The following NFIA variants were observed in gnomAD, a reference collection of about 807,000 sequenced individuals.
NFIA encodes nuclear factor I A.
NFIA carries 8 observed loss-of-function variants against 62.8 expected under a neutral mutation model. The observed-to-expected ratio is 0.13, with a 90% CI of 0.07 to 0.23. NFIA has a LOEUF of 0.23. Ranked by LOEUF, NFIA falls within the 10% of genes least tolerant of loss-of-function variation. The pLI is 1.00. For missense variants in NFIA, 410 were observed against 642.1 expected, an observed-to-expected ratio of 0.64 and a Z score of 3.91; for synonymous variants, 235 against 238.1, an observed-to-expected ratio of 0.99 and a Z score of 0.12.
chr1:61,293,674 T>A (rs927786800), intron 3 of NFIA, among the ~76,000 whole-genome samples: 1 of 152,218 alleles, frequency 6.6e-6, no homozygotes, highest in Admixed American at 6.5e-5. Flanking sequence ...ATTTAGTAGA[T>A]GTTGGATGGA....
intron 2 of NFIA, among the ~76,000 whole-genome samples, chr1:61,098,928 C>G (rs1436639509): frequency 6.6e-6 from 1 of 151,966 alleles, no homozygotes; most frequent in Non-Finnish European, 1.5e-5. Flanking sequence ...GTCTGTGTAA[C>G]CATATATATA....
At chr1:61,176,255 C>T (rs982840498) in intron 2 of NFIA, among the ~76,000 whole-genome samples, 17 of 152,176 alleles carry the variant, frequency 1.1e-4, no homozygotes, top group Admixed American at 7.2e-4. Context: ...TATCTTTTAC[C>T]GGGTGATAAT....
intron 6 of NFIA, among the ~76,000 whole-genome samples, chr1:61,367,616 A>T (rs1012748797): frequency 6.6e-6 from 1 of 152,152 alleles, no homozygotes; most frequent in African/African-American, 2.4e-5. Flanking sequence ...TTTCACCCAA[A>T]TAAGGGGTTA....
intron 10 of NFIA, among the ~76,000 whole-genome samples, chr1:61,432,108 G>T (rs1422434879): frequency 6.6e-6 from 1 of 152,214 alleles, no homozygotes; most frequent in Non-Finnish European, 1.5e-5. Flanking sequence ...AACAGAGTTG[G>T]GTATAGGAAC....
chr1:61,250,472 C>G (rs1405239474), intron 2 of NFIA, among the ~76,000 whole-genome samples: 1 of 152,128 alleles, frequency 6.6e-6, no homozygotes, highest in African/African-American at 2.4e-5. Flanking sequence ...TTACAAGTAC[C>G]ATGCCACTTC....
At chr1:61,376,215 T>A (rs1027903150) in intron 6 of NFIA, among the ~76,000 whole-genome samples, 21 of 152,178 alleles carry the variant, frequency 1.4e-4, no homozygotes, top group African/African-American at 5.1e-4. Context: ...TGTGTGTGTG[T>A]TATAGCCTCT....
intron 3 of NFIA, among the ~76,000 whole-genome samples, chr1:61,330,332 A>G (rs976872785): frequency 2.6e-5 from 4 of 152,164 alleles, no homozygotes; most frequent in Admixed American, 6.5e-5. Flanking sequence ...GGCATTAAGT[A>G]TACAGTGGTA....
At chr1:61,196,296 T>C (rs1003196580) in intron 2 of NFIA, among the ~76,000 whole-genome samples, 3 of 152,172 alleles carry the variant, frequency 2.0e-5, no homozygotes, top group African/African-American at 7.2e-5. Context: ...GGGCAAAAAT[T>C]TGCATCCTCA....
chr1:61,366,918 C>A (rs1012350816), intron 6 of NFIA, among the ~76,000 whole-genome samples: 5 of 152,188 alleles, frequency 3.3e-5, no homozygotes, highest in South Asian at 2.1e-4. Context: ...AACAAAACTC[C>A]TGTCTGAAAA....
At chr1:61,211,409 AAGT>A (rs1479560214) in intron 2 of NFIA, among the ~76,000 whole-genome samples, 4 of 152,200 alleles carry the variant, frequency 2.6e-5, no homozygotes, top group Admixed American at 1.3e-4. Flanking sequence ...GATAATATTT[AAGT>A]AGTAATGATG....
At chr1:61,225,991 CA>C (rs1428003529) in intron 2 of NFIA, among the ~76,000 whole-genome samples, 8 of 152,130 alleles carry the variant, frequency 5.3e-5, no homozygotes, top group Non-Finnish European at 8.8e-5. Context: ...GACAGTAATG[CA>C]TGTAATCTAA....
chr1:61,451,873 G>C (rs1668073367), intron 10 of NFIA, among the ~76,000 whole-genome samples: 1 of 152,154 alleles, frequency 6.6e-6, no homozygotes, highest in Non-Finnish European at 1.5e-5. Context: ...TGAAACCTAA[G>C]CTTATGTCAC....
chr1:61,187,935 G>A (rs905080926), intron 2 of NFIA, among the ~76,000 whole-genome samples: 1 of 152,098 alleles, frequency 6.6e-6, no homozygotes, highest in Non-Finnish European at 1.5e-5. Context: ...AGGTTGAATA[G>A]CCTCGCTCAC....
At chr1:61,363,599 C>T (rs543975577) in intron 6 of NFIA, among the ~76,000 whole-genome samples, 9 of 87,516 alleles carry the variant, frequency 1.0e-4, no homozygotes, top group South Asian at 4.9e-4. Flanking sequence ...AGCAAAACTC[C>T]GTCAAAAAAA....
intron 7 of NFIA, among the ~76,000 whole-genome samples, chr1:61,401,947 T>C (rs1309942818): frequency 1.3e-5 from 2 of 151,534 alleles, no homozygotes; most frequent in Non-Finnish European, 3.0e-5. Context: ...CATTTAACTT[T>C]TTAGCTTGTG....
At chr1:61,439,412 T>TTA (rs1230474694) in intron 10 of NFIA, 2 of 152,006 alleles carry the variant, frequency 1.3e-5, no homozygotes, top group African/African-American at 2.4e-5. Flanking sequence ...GCACTTTACT[T>TTA]AAGTTAATCA....
At chr1:61,351,882 T>C (rs1019555658) in intron 4 of NFIA, among the ~76,000 whole-genome samples, 6 of 152,224 alleles carry the variant, frequency 3.9e-5, no homozygotes, top group Non-Finnish European at 5.9e-5. Context: ...CGTAAAACTT[T>C]ATTCATAAAA....
chr1:61,109,875 T>C (rs541455768), intron 2 of NFIA, among the ~76,000 whole-genome samples: 3 of 152,160 alleles, frequency 2.0e-5, no homozygotes, highest in African/African-American at 7.2e-5. Flanking sequence ...TTGTGGTAAT[T>C]GAATCTATAC....
chr1:61,077,549 G>T (rs976887251), upstream of NFIA: 45 of 1,205,660 alleles, frequency 3.7e-5, no homozygotes, highest in South Asian at 1.1e-3. Context: ...TTTTTTAAAT[G>T]CAAAAAAAAG....
Sources: allele counts gnomAD v4.1 joint callset (sites outside exome capture counted in the v4.1 genomes callset), GRCh38; gene constraint gnomAD v4.1.1; transcripts MANE v1.5; gene names NCBI Gene and HGNC (gene_info 2026-07-23, HGNC 2026-07-21).